The following EFCAB11 variants were observed in gnomAD, a reference collection of about 807,000 sequenced individuals.
EFCAB11 encodes EF-hand calcium-binding domain-containing protein 11.
Under a neutral mutation model 23.0 loss-of-function variants are expected in EFCAB11, and 14 were observed. The ratio of observed to expected loss-of-function variants is 0.61; its 90% CI spans 0.40 to 0.95. The LOEUF (loss-of-function observed/expected upper bound fraction) is 0.95. Ranked by LOEUF, EFCAB11 falls within the 40% of genes least tolerant of loss-of-function variation. EFCAB11 has a pLI of 0.00. For synonymous variants in EFCAB11, 65 were observed against 66.6 expected (o/e 0.98, Z 0.11); for missense variants, 198 against 195.8 (o/e 1.01, Z -0.07).
chr14:89,881,178 G>A (rs968114466), intron 5 of EFCAB11, among the ~76,000 whole-genome samples: 1 of 151,680 alleles, frequency 6.6e-6, no homozygotes, highest in African/African-American at 2.4e-5. Context: ...TAGTTTACTT[G>A]ATACTGTTTT....
intron 5 of EFCAB11, among the ~76,000 whole-genome samples, chr14:89,841,841 G>A (rs1240643117): frequency 6.6e-6 from 1 of 152,094 alleles, no homozygotes; most frequent in Non-Finnish European, 1.5e-5. Flanking sequence ...TCAGCCCATG[G>A]CTTCAGTTAC....
intron 5 of EFCAB11, among the ~76,000 whole-genome samples, chr14:89,818,878 G>C (rs1425581639): frequency 6.6e-6 from 1 of 152,216 alleles, no homozygotes; most frequent in African/African-American, 2.4e-5. Context: ...TCGAGTGTTA[G>C]TGAGGATGCA....
intron 5 of EFCAB11, among the ~76,000 whole-genome samples, chr14:89,864,246 A>C (rs1422741643): frequency 6.6e-6 from 1 of 152,222 alleles, no homozygotes; most frequent in African/African-American, 2.4e-5. Context: ...TAACTGAGCC[A>C]TACTAACAAA....
At chr14:89,925,438 CT>C (rs1051869421) in intron 5 of EFCAB11, among the ~76,000 whole-genome samples, 1 of 152,170 alleles carries the variant, frequency 6.6e-6, no homozygotes, top group Non-Finnish European at 1.5e-5. Flanking sequence ...TCTTACTTAA[CT>C]TTTAATTGCT....
Position 89,845,984 on chromosome 14 carries a change from G to T in EFCAB11, c.411-48660C>A, listed in dbSNP as rs72693797. ...TCAAGTTCTAGATGCAAATTGCCCG[G>T]ATTTGAATATTGGCTCCATCATTTA... On this transcript the variant is annotated intron_variant, in intron 5 of 5. Coordinates refer to ENST00000316738, the MANE Select transcript of EFCAB11 (RefSeq NM_145231.4). Among the ~76,000 whole-genome samples, 1,259 of 152,302 alleles carry T rather than the reference G, an allele frequency of 8.3e-3. 14 individuals carry two copies. The highest frequency in any genetic ancestry group is 0.011 in the Admixed American group (167 of 15,288).
At chr14:89,862,979 T>A (rs1033220520) in intron 5 of EFCAB11, among the ~76,000 whole-genome samples, 1 of 152,216 alleles carries the variant, frequency 6.6e-6, no homozygotes, top group East Asian at 1.9e-4. Context: ...ATGTGAAATG[T>A]TTCCATACAT....
chr14:89,930,628 G>A (rs1056887036), intron 5 of EFCAB11, among the ~76,000 whole-genome samples: 5 of 152,208 alleles, frequency 3.3e-5, no homozygotes, highest in African/African-American at 4.8e-5. Context: ...TGAAACTTAA[G>A]CAACCATCTT....
At chr14:89,942,040 C>T (rs908031171) in intron 3 of EFCAB11, among the ~76,000 whole-genome samples, 5 of 151,798 alleles carry the variant, frequency 3.3e-5, no homozygotes, top group Admixed American at 6.5e-5. Context: ...GTCAATTCCC[C>T]GTTCACTCTC....
chr14:89,944,572 T>C (rs1566823399), intron 3 of EFCAB11, among the ~76,000 whole-genome samples: 3 of 152,166 alleles, frequency 2.0e-5, no homozygotes. Context: ...GGAAATCCTT[T>C]TGCCAGAAAA....
chr14:89,883,383 T>C (rs1312624707), intron 5 of EFCAB11, among the ~76,000 whole-genome samples: 1 of 152,216 alleles, frequency 6.6e-6, no homozygotes, highest in Non-Finnish European at 1.5e-5. Flanking sequence ...TTGGTATCCA[T>C]GAAGGACTGG....
chr14:89,811,166 G>A (rs1417034676), intron 5 of EFCAB11, among the ~76,000 whole-genome samples: 1 of 152,002 alleles, frequency 6.6e-6, no homozygotes, highest in African/African-American at 2.4e-5. Flanking sequence ...TGGCAGGACA[G>A]AGCAAGGTAC....
intron 5 of EFCAB11, among the ~76,000 whole-genome samples, chr14:89,871,228 C>T (rs1888258709): frequency 6.6e-6 from 1 of 152,176 alleles, no homozygotes; most frequent in Non-Finnish European, 1.5e-5. Context: ...CCATGCTTCC[C>T]TAACAAGTAT....
At chr14:89,896,295 C>T (rs925924381) in intron 5 of EFCAB11, among the ~76,000 whole-genome samples, 1 of 149,948 alleles carries the variant, frequency 6.7e-6, no homozygotes, top group Non-Finnish European at 1.5e-5. Flanking sequence ...GAGGCCGAGG[C>T]AGGAGAACGG....
chr14:89,922,566 T>C (rs1401411461), intron 5 of EFCAB11, among the ~76,000 whole-genome samples: 1 of 152,168 alleles, frequency 6.6e-6, no homozygotes, highest in African/African-American at 2.4e-5. Context: ...ACTCCTGACC[T>C]TAACATGGTG....
intron 5 of EFCAB11, among the ~76,000 whole-genome samples, chr14:89,863,506 C>G (rs577712777): frequency 6.6e-6 from 1 of 152,346 alleles, no homozygotes; most frequent in East Asian, 1.9e-4. Flanking sequence ...ACTGCTCCCC[C>G]TTTTCTAAAC....
chr14:89,806,473 T>G (rs987924540), intron 5 of EFCAB11, among the ~76,000 whole-genome samples: 4 of 152,224 alleles, frequency 2.6e-5, no homozygotes, highest in African/African-American at 9.6e-5. Flanking sequence ...GAAATGACAA[T>G]GTAAGAAAAC....
chr14:89,835,512 T>C (rs1347296029), intron 5 of EFCAB11, among the ~76,000 whole-genome samples: 1 of 151,820 alleles, frequency 6.6e-6, no homozygotes, highest in Non-Finnish European at 1.5e-5. Flanking sequence ...AATTTTCCAC[T>C]TGTGGCGTCA....
At chr14:89,897,236 C>A (rs997900682) in intron 5 of EFCAB11, among the ~76,000 whole-genome samples, 4 of 130,426 alleles carry the variant, frequency 3.1e-5, no homozygotes, top group Non-Finnish European at 1.6e-5. Flanking sequence ...GAGATGGAGT[C>A]TTGCTCTGTC....
At chr14:89,862,474 G>A (rs1440813184) in intron 5 of EFCAB11, among the ~76,000 whole-genome samples, 1 of 152,220 alleles carries the variant, frequency 6.6e-6, no homozygotes, top group African/African-American at 2.4e-5. Flanking sequence ...TCTCACACAT[G>A]TGAAGGATGA....
Sources: allele counts gnomAD v4.1 joint callset (sites outside exome capture counted in the v4.1 genomes callset), GRCh38; gene constraint gnomAD v4.1.1; transcripts MANE v1.5; gene names NCBI Gene and HGNC (gene_info 2026-07-23, HGNC 2026-07-21).